MLXIP: variants seen among roughly 807,000 people sequenced by gnomAD.
MLXIP encodes the protein MLX-interacting protein.
A neutral mutation model predicts 87.2 loss-of-function variants in MLXIP; 30 were observed. The ratio of observed to expected loss-of-function variants is 0.34; its 90% CI spans 0.26 to 0.47. The LOEUF is 0.47. Ranked by LOEUF, MLXIP falls within the 20% of genes least tolerant of loss-of-function variation. The pLI, the probability that MLXIP is intolerant of heterozygous loss-of-function variation, is 1.00. For synonymous variants in MLXIP, 530 were observed against 514.0 expected (o/e 1.03, Z -0.42); for missense variants, 1,002 against 1,240.1 (o/e 0.81, Z 2.88).
At chr12:122,086,090 G>A (rs760648264) in intron 1 of MLXIP, among the ~76,000 whole-genome samples, 6 of 152,194 alleles carry the variant, frequency 3.9e-5, no homozygotes, top group Non-Finnish European at 5.9e-5. Context: ...ATGGAGGAAA[G>A]CCACGGGATT....
At position 122,137,702 on chromosome 12, in the gene MLXIP, G is replaced by A; in HGVS notation, c.2154+112G>A. The A allele has an allele frequency of 6.7e-7, 1 of 1,501,538 alleles. No individual in the cohort carries two copies. The highest frequency in any genetic ancestry group is 1.3e-5 in the South Asian group (1 of 77,318). 93.0% of individuals were successfully genotyped at this position (1,501,538 alleles called of 1,614,324 possible). A position where few individuals can be genotyped will look rare whatever the true frequency, so the allele number is the denominator to read the frequency against. ...CCTCAGACCCAGCCAGAGCTGCCCA[G>A]GCAGGGGTGGATCAGAAATGGGCTT... is the stretch of plus-strand genomic sequence containing the variant. On this transcript the variant is annotated intron_variant, in intron 12 of 16. Coordinates refer to ENST00000319080, the MANE Select transcript of MLXIP (RefSeq NM_014938.6). This position sits in a 1 kb window ranked among gnomAD's most constrained non-coding sequence, Gnocchi z 4.1.
rs996236439 is a variant in MLXIP, at chr12:122,145,633, C to G, written c.*3821C>G. 3 of 152,430 alleles carry G rather than the reference C, an allele frequency of 2.0e-5. No individual in the cohort carries two copies. The highest frequency in any genetic ancestry group is 7.2e-5 in the African/African-American group (3 of 41,424). The allele number at this position is 152,430 out of a possible 1,614,324, so 9.4% of individuals were successfully genotyped here. A position where few individuals can be genotyped will look rare whatever the true frequency, so the allele number is the denominator to read the frequency against. ...CCCTTCCTCCAAGGCCCTAGCTGGC[C>G]CCCGGGTGAACCTGAGGTGGCAGGT... On this transcript the variant is annotated 3_prime_UTR_variant, in exon 17 of 17. Coordinates refer to ENST00000319080, the MANE Select transcript of MLXIP (RefSeq NM_014938.6).
chr12:122,135,756 A>G lies in MLXIP; in HGVS notation c.2032+90A>G. 7.2e-7 allele frequency: 1 copy of G among 1,398,096 alleles called. No homozygotes were observed. The highest frequency in any genetic ancestry group is 9.4e-7 in the Non-Finnish European group (1 of 1,067,164). The allele number at this position is 1,398,096 out of a possible 1,614,324, so 86.6% of individuals were successfully genotyped here. ...CATGGGGGGTGCTTGCTGGGTCCCC[A>G]GGACGGAGCCTGGGCTTAGGACACA... On this transcript the variant is annotated intron_variant, in intron 11 of 16. Transcript: ENST00000319080. The surrounding 1 kb of genome is among the most constrained non-coding windows in gnomAD (Gnocchi z 5.3).
intron 1 of MLXIP, among the ~76,000 whole-genome samples, chr12:122,088,070 C>T (rs551976437): frequency 2.5e-4 from 38 of 152,268 alleles, no homozygotes; most frequent in African/African-American, 8.9e-4. Context: ...CAGCCAGAGC[C>T]GTGGGCGGGC....
At chr12:122,098,450 T>C (rs1318343377) in intron 1 of MLXIP, among the ~76,000 whole-genome samples, 1 of 152,156 alleles carries the variant, frequency 6.6e-6, no homozygotes, top group Non-Finnish European at 1.5e-5. Flanking sequence ...CTTTGTTCTT[T>C]GTTGGCTGGG....
intron 8 of MLXIP, 101 bp downstream of exon 8, chr12:122,132,484 G>C: frequency 1.1e-6 from 1 of 919,706 alleles, no homozygotes; most frequent in Non-Finnish European, 1.7e-6. Context: ...TAGCCACACA[G>C]TCACCAGCAA....
At chr12:122,098,921 A>G (rs761985191) in intron 1 of MLXIP, among the ~76,000 whole-genome samples, 1 of 152,220 alleles carries the variant, frequency 6.6e-6, no homozygotes, top group Non-Finnish European at 1.5e-5. Context: ...CAGCGGGAAC[A>G]GCGTCTTAGG....
Position 122,121,010 on chromosome 12 carries a change from G to GTTTTTTT in MLXIP, c.414-6234_414-6228dup, listed in dbSNP as rs1233404015. ...AGCCCCAGAGCCCTCTGCATGCTTG[G>GTTTTTTT]TTTTTTTTTTTTTTTTTTGAAACGG... On this transcript the variant is annotated intron_variant, in intron 1 of 16. Transcript: ENST00000319080. 1.2e-3 allele frequency among the ~76,000 whole-genome samples: 137 copies of GTTTTTTT among 111,722 alleles called. 6 individuals carry two copies. Among genetic ancestry groups the GTTTTTTT allele is most frequent in the Middle Eastern group, 4.8e-3 (1 of 210 alleles). The allele number at this position is 111,722 out of a possible 152,430, so 73.3% of individuals were successfully genotyped here.
Position 122,133,621 on chromosome 12 carries a change from C to T in MLXIP, c.1366C>T (p.Pro456Ser), listed in dbSNP as rs1381196545. The change falls in exon 9 of 17, where the codon CCT becomes TCT. Residue 456 changes from proline (P) to serine (S), a missense_variant. This residue lies in a region of MLXIP where 746 missense variants were observed against 897.0 expected (regional missense o/e 0.83). Transcript: ENST00000319080. This position sits in a 1 kb window ranked among gnomAD's most constrained non-coding sequence, Gnocchi z 4.9. Reference sequence around the variant, plus strand: ...CCCCGTGTTACCATTAGTTCCTCCTCCTGCCACTGCCCTGAACCCCCCGGC... The same window carrying T: ...CCCCGTGTTACCATTAGTTCCTCCTTCTGCCACTGCCCTGAACCCCCCGGC... The part of the protein sequence containing the change: ...ISPVLPLVPP[P>S]ATALNPPAPP... 1 of 1,612,180 alleles carries T rather than the reference C, an allele frequency of 6.2e-7. No homozygotes were observed. The highest frequency in any genetic ancestry group is 1.3e-5 in the African/African-American group (1 of 74,784).
intron 6 of MLXIP, 75 bp downstream of exon 6, chr12:122,130,187 T>G: frequency 6.9e-7 from 1 of 1,454,452 alleles, no homozygotes; most frequent in Non-Finnish European, 9.3e-7. Context: ...TGGGCCAGGG[T>G]TCCTTCAGGG....
chr12:122,141,676 C>G lies in MLXIP; in HGVS notation c.2639-15C>G. 6.2e-7 allele frequency: 1 copy of G among 1,612,938 alleles called. No homozygotes were observed. The highest frequency in any genetic ancestry group is 2.2e-5 in the East Asian group (1 of 44,866). ...TCTGTGTCACTGCCTGTGTCTGACC[C>G]TTTCTGTCTTGCAGTGGTATTGAGC... On this transcript the variant is annotated splice_polypyrimidine_tract_variant and intron_variant, in intron 16 of 16. Transcript: ENST00000319080.
At position 122,087,574 on chromosome 12, in the gene MLXIP, A is replaced by G. The variant is rs147697102; in HGVS notation, c.413+8308A>G. On this transcript the variant is annotated intron_variant, in intron 1 of 16. Coordinates refer to ENST00000319080, the MANE Select transcript of MLXIP (RefSeq NM_014938.6). Reference sequence around the variant, plus strand: ...AGTGAGCTTGGCGCATTGCAAGGTTAGAAAGAAGGCTAGCTTGGTCAGAAT... The same window carrying G: ...AGTGAGCTTGGCGCATTGCAAGGTTGGAAAGAAGGCTAGCTTGGTCAGAAT... 5.9e-5 allele frequency among the ~76,000 whole-genome samples: 9 copies of G among 152,316 alleles called. No individual in the cohort carries two copies. In the East Asian group the frequency reaches 1.7e-3, roughly 29 times the overall value.
intron 1 of MLXIP, among the ~76,000 whole-genome samples, chr12:122,114,758 T>TTTTTG (rs558128728): frequency 7.4e-5 from 10 of 135,222 alleles, no homozygotes; most frequent in African/African-American, 1.4e-4. Context: ...TTTTTTTTGG[T>TTTTTG]GGGGGGGGAC....
rs779689234 is a variant in MLXIP, at chr12:122,078,969, C to T, written c.116C>T (p.Ser39Phe). The change falls in exon 1 of 17, where the codon TCC becomes TTC. Residue 39 changes from serine to phenylalanine, a missense_variant. Physicochemically the swap from Ser to Phe is radical, Grantham distance 155 (BLOSUM62 -2). Coordinates refer to ENST00000319080, the MANE Select transcript of MLXIP (RefSeq NM_014938.6). ...GACGACTCGGACACGGATGAGCCGT[C>T]CCCGCCGCCCGCCTCCGGCGCGGCC... Reference protein sequence around the residue: ...DDDDSDTDEPSPPPASGAATP... With the variant: ...DDDDSDTDEPFPPPASGAATP... The T allele has an allele frequency of 4.6e-6, 5 of 1,090,230 alleles. No individual in the cohort carries two copies. Among genetic ancestry groups the T allele is most frequent in the Middle Eastern group, 8.1e-4 (2 of 2,464 alleles). 67.5% of individuals were successfully genotyped at this position (1,090,230 alleles called of 1,614,324 possible). A position where few individuals can be genotyped will look rare whatever the true frequency, so the allele number is the denominator to read the frequency against.
intron 1 of MLXIP, among the ~76,000 whole-genome samples, chr12:122,103,834 T>C (rs1431839311): frequency 9.8e-6 from 1 of 102,098 alleles, no homozygotes; most frequent in East Asian, 2.8e-4. Flanking sequence ...CGGCCTAATT[T>C]TGTTTGTTTT....
intron 1 of MLXIP, among the ~76,000 whole-genome samples, chr12:122,083,984 A>C (rs1037765924): frequency 6.6e-6 from 1 of 152,142 alleles, no homozygotes; most frequent in African/African-American, 2.4e-5. Flanking sequence ...CAGGGTGTGC[A>C]CTGAGGTGGG....
chr12:122,131,408 G>A (rs1365519050), intron 7 of MLXIP, among the ~76,000 whole-genome samples: 2 of 149,702 alleles, frequency 1.3e-5, no homozygotes, highest in African/African-American at 2.5e-5. Flanking sequence ...GGCCATGTGG[G>A]GTTTAGGGGT....
Position 122,078,774 on chromosome 12 carries a change from G to C in MLXIP, c.-80G>C. The C allele has an allele frequency of 3.0e-6, 3 of 1,016,736 alleles. No homozygotes were observed. The highest frequency in any genetic ancestry group is 3.5e-6 in the Non-Finnish European group (3 of 851,586). The allele number at this position is 1,016,736 out of a possible 1,614,324, so 63.0% of individuals were successfully genotyped here. A position where few individuals can be genotyped will look rare whatever the true frequency, so the allele number is the denominator to read the frequency against. On this transcript the variant is annotated 5_prime_UTR_variant, in exon 1 of 17. Coordinates refer to ENST00000319080, the MANE Select transcript of MLXIP (RefSeq NM_014938.6). ...CGCGGACAGTCGGCGCGCGGGCCGG[G>C]CCGGGCCGGCGCCCCTCTGCCTCGC...
At chr12:122,120,910 T>C (rs2135957481) in intron 1 of MLXIP, among the ~76,000 whole-genome samples, 1 of 151,970 alleles carries the variant, frequency 6.6e-6, no homozygotes, top group Admixed American at 6.6e-5. Context: ...TGAAGAAACG[T>C]TGTCCCATGA....
Sources: gnomAD v4.1 joint callset for allele counts (sites outside exome capture counted in the v4.1 genomes callset) on GRCh38, gnomAD v4.1.1 for gene constraint, gnomAD v4.1.1 regional missense constraint, Gnocchi (gnomAD v3.1) non-coding constraint, MANE v1.5 for transcripts, NCBI Gene and HGNC (gene_info 2026-07-23, HGNC 2026-07-21) for gene names.